LPAR1: variants seen among roughly 807,000 people sequenced by gnomAD.
The protein encoded by LPAR1 is lysophosphatidic acid receptor 1, also known as LPA receptor 1.
A neutral mutation model predicts 23.8 loss-of-function variants in LPAR1; 5 were observed. The observed-to-expected ratio is 0.21, with a 90% confidence interval of 0.11 to 0.44. The LOEUF (loss-of-function observed/expected upper bound fraction) is 0.44. Among genes scored for constraint, LPAR1 ranks in the 20% least tolerant of loss-of-function variants. The pLI is 0.99. For synonymous variants in LPAR1, 160 were observed against 164.7 expected (o/e 0.97, Z 0.22); for missense variants, 311 against 482.8 (o/e 0.64, Z 3.33).
At chr9:110,980,279 T>C (rs2096640853) in intron 2 of LPAR1, among the ~76,000 whole-genome samples, 1 of 152,006 alleles carries the variant, frequency 6.6e-6, no homozygotes, top group Non-Finnish European at 1.5e-5. Context: ...ATTCACAATT[T>C]TAAAAATTTT....
intron 2 of LPAR1, among the ~76,000 whole-genome samples, chr9:110,974,167 A>AT (rs1029234336): frequency 3.3e-4 from 50 of 152,062 alleles, no homozygotes; most frequent in African/African-American, 1.0e-3. Flanking sequence ...TCAAAAAAAA[A>AT]AAGTAAGGCT....
intron 2 of LPAR1, among the ~76,000 whole-genome samples, chr9:111,016,667 C>T (rs947852457): frequency 1.3e-5 from 2 of 152,194 alleles, no homozygotes; most frequent in African/African-American, 4.8e-5. Context: ...GCTTAATAAC[C>T]TTGAACTTAC....
chr9:110,885,651 C>T (rs1588133139), intron 5 of LPAR1, among the ~76,000 whole-genome samples: 2 of 152,216 alleles, frequency 1.3e-5, no homozygotes, highest in African/African-American at 2.4e-5. Context: ...TTAATTTACT[C>T]GCAATCAAAC....
intron 4 of LPAR1, among the ~76,000 whole-genome samples, chr9:110,962,165 G>A (rs1202280843): frequency 1.3e-5 from 2 of 152,004 alleles, no homozygotes; most frequent in Non-Finnish European, 1.5e-5. Flanking sequence ...TCTCCATCTT[G>A]ACCTATCTTA....
At chr9:110,955,288 T>C (rs1237153933) in intron 4 of LPAR1, among the ~76,000 whole-genome samples, 1 of 152,126 alleles carries the variant, frequency 6.6e-6, no homozygotes, top group Non-Finnish European at 1.5e-5. Context: ...CAAGTACCTA[T>C]ACACATGTCA....
chr9:110,953,221 C>T (rs1310529140), intron 4 of LPAR1, among the ~76,000 whole-genome samples: 13 of 152,176 alleles, frequency 8.5e-5, no homozygotes, highest in Non-Finnish European at 1.9e-4. Context: ...GGACCTCTTA[C>T]ACTGGTACCA....
rs2078614715 is a variant in LPAR1, at chr9:110,874,016, TGACTGGC to T, written c.*1398_*1404del. 1 of 152,678 alleles carries T rather than the reference TGACTGGC, an allele frequency of 6.5e-6. No individual in the cohort carries two copies. Among genetic ancestry groups the T allele is most frequent in the Admixed American group, 6.5e-5 (1 of 15,288 alleles). The allele number at this position is 152,678 out of a possible 1,614,324, so 9.5% of individuals were successfully genotyped here. On this transcript the variant is annotated 3_prime_UTR_variant, in exon 6 of 6. Coordinates refer to ENST00000683809, the MANE Select transcript of LPAR1 (RefSeq NM_001351411.2). ...GCATTTCTTTTGTAAAAAGGTCATTTGACTGGCTTTTCCTCACAACTGCCACCCATGC... is the reference window on the plus strand; with the variant it reads ...GCATTTCTTTTGTAAAAAGGTCATTTTTTTCCTCACAACTGCCACCCATGC...
intron 4 of LPAR1, among the ~76,000 whole-genome samples, chr9:110,962,852 T>C (rs902681784): frequency 1.2e-4 from 19 of 152,172 alleles, no homozygotes; most frequent in Admixed American, 7.2e-4. Flanking sequence ...TTTTTTTAAA[T>C]GACAGTCTTA....
intron 5 of LPAR1, among the ~76,000 whole-genome samples, chr9:110,937,400 A>G (rs2094791387): frequency 1.3e-5 from 2 of 152,210 alleles, no homozygotes; most frequent in Non-Finnish European, 2.9e-5. Flanking sequence ...CAAGTGCCCA[A>G]CCTTGAATCC....
chr9:110,965,096 T>G (rs2096164036), intron 4 of LPAR1, among the ~76,000 whole-genome samples: 1 of 151,978 alleles, frequency 6.6e-6, no homozygotes, highest in Admixed American at 6.6e-5. Context: ...GTCTCAAACT[T>G]CTGACAGGTG....
intron 4 of LPAR1, among the ~76,000 whole-genome samples, chr9:110,943,766 A>T (rs371855548): frequency 6.6e-6 from 1 of 151,848 alleles, no homozygotes; most frequent in East Asian, 2.0e-4. Flanking sequence ...AGGCTGAAGC[A>T]GGAGAATCGC....
intron 5 of LPAR1, among the ~76,000 whole-genome samples, chr9:110,932,488 C>A (rs530986137): frequency 2.5e-4 from 38 of 152,370 alleles, no homozygotes; most frequent in African/African-American, 7.9e-4. Flanking sequence ...TTCTTCCATA[C>A]ATGCCAGACA....
intron 2 of LPAR1, among the ~76,000 whole-genome samples, chr9:110,991,689 A>C (rs1361476758): frequency 6.6e-6 from 1 of 151,568 alleles, no homozygotes; most frequent in Non-Finnish European, 1.5e-5. Context: ...GCTCACTGCA[A>C]CCTCCGCCTC....
rs2097890215 is a variant in LPAR1 at position 111,036,207 on chromosome 9, G to A, written c.-261-6C>T. 6.6e-6 allele frequency: 1 copy of A among 152,162 alleles called. No individual in the cohort carries two copies. The highest frequency in any genetic ancestry group is 6.5e-5 in the Admixed American group (1 of 15,284). 9.4% of individuals were successfully genotyped at this position (152,162 alleles called of 1,614,324 possible). On this transcript the variant is annotated splice_region_variant and splice_polypyrimidine_tract_variant and intron_variant, in intron 1 of 5. Transcript: ENST00000683809. ...ACCTGGGCAGGAGCTGTTCCCTTGA[G>A]AGACAATGATGCAAATGAGTCAAGT...
At chr9:110,912,255 G>A (rs1196829783) in intron 5 of LPAR1, among the ~76,000 whole-genome samples, 1 of 152,098 alleles carries the variant, frequency 6.6e-6, no homozygotes, top group Non-Finnish European at 1.5e-5. Context: ...CTCCATCATC[G>A]AGGTGACTAG....
chr9:110,947,095 C>T (rs1214533019), intron 4 of LPAR1, among the ~76,000 whole-genome samples: 1 of 152,086 alleles, frequency 6.6e-6, no homozygotes, highest in Non-Finnish European at 1.5e-5. Context: ...ATAAGCAATA[C>T]ATAGAATGAC....
At chr9:111,019,241 T>G (rs1169196968) in intron 2 of LPAR1, among the ~76,000 whole-genome samples, 1 of 152,148 alleles carries the variant, frequency 6.6e-6, no homozygotes, top group Non-Finnish European at 1.5e-5. Context: ...GGAAGATTGC[T>G]TGAGCCCAGG....
At chr9:110,898,382 G>A (rs568956940) in intron 5 of LPAR1, among the ~76,000 whole-genome samples, 2 of 152,206 alleles carry the variant, frequency 1.3e-5, no homozygotes, top group South Asian at 2.1e-4. Flanking sequence ...GTAGATTACC[G>A]TGTGCAAAGA....
At chr9:110,969,251 TA>T (rs2096328169) in intron 4 of LPAR1, among the ~76,000 whole-genome samples, 2 of 152,304 alleles carry the variant, frequency 1.3e-5, no homozygotes, top group South Asian at 4.1e-4. Context: ...GGACTTTCAT[TA>T]TCCATTTCCA....
Sources: allele counts gnomAD v4.1 joint callset (sites outside exome capture counted in the v4.1 genomes callset), GRCh38; gene constraint gnomAD v4.1.1; transcripts MANE v1.5; gene names NCBI Gene and HGNC (gene_info 2026-07-23, HGNC 2026-07-21).